The following CCDC150 variants were observed in gnomAD, a reference collection of about 807,000 sequenced individuals.
The protein encoded by CCDC150 is coiled-coil domain containing 150.
In CCDC150, 151 loss-of-function variants were observed where a neutral mutation model predicts 156.5. The observed-to-expected ratio is 0.97, with a 90% confidence interval of 0.85 to 1.10. The LOEUF (loss-of-function observed/expected upper bound fraction) is 1.10, where lower values mean the gene tolerates loss of function less well. CCDC150 is among the 50% of genes least tolerant of loss of function. CCDC150 has a pLI of 0.00. For synonymous variants in CCDC150, 452 were observed against 429.4 expected, an observed-to-expected ratio of 1.05 and a Z score of -0.65; for missense variants, 1,312 against 1,268.1, an observed-to-expected ratio of 1.03 and a Z score of -0.53.
chr2:196,647,726 G>A (rs1015927330), intron 2 of CCDC150, among the ~76,000 whole-genome samples: 7 of 151,982 alleles, frequency 4.6e-5, no homozygotes, highest in Non-Finnish European at 8.8e-5. Context: ...TAACATATCC[G>A]TCACCTCACA....
At chr2:196,658,506 A>T (rs1693360358) in intron 4 of CCDC150, among the ~76,000 whole-genome samples, 1 of 151,932 alleles carries the variant, frequency 6.6e-6, no homozygotes, top group African/African-American at 2.4e-5. Flanking sequence ...TACCAGATTG[A>T]CCTCTAATTA....
chr2:196,720,391 A>C (rs949531268), intron 19 of CCDC150, among the ~76,000 whole-genome samples, 184 bp from the exon 20 acceptor site: 2 of 152,212 alleles, frequency 1.3e-5, no homozygotes, highest in Non-Finnish European at 2.9e-5. Flanking sequence ...GTAGATGCAA[A>C]AATCTCAACA....
At chr2:196,642,068 A>G (rs4850401) in intron 1 of CCDC150, among the ~76,000 whole-genome samples, 140,184 of 152,312 alleles carry the variant, frequency 0.92, 64,610 homozygotes, top group East Asian at 0.98. Context: ...GTTTGATAAT[A>G]ATATATGCAT....
intron 7 of CCDC150, chr2:196,667,093 G>A (rs1693894703): frequency 2.0e-6 from 1 of 494,340 alleles, no homozygotes; most frequent in South Asian, 2.7e-5. Context: ...GCTTGTTTGT[G>A]GACCTGGGAA....
intron 13 of CCDC150, among the ~76,000 whole-genome samples, chr2:196,691,130 A>G (rs1046305356): frequency 2.0e-5 from 3 of 152,180 alleles, no homozygotes; most frequent in Admixed American, 1.3e-4. Context: ...GGATTTTTGC[A>G]TCAATGTTCA....
intron 13 of CCDC150, among the ~76,000 whole-genome samples, chr2:196,691,767 C>T (rs1237199243): frequency 6.6e-6 from 1 of 152,096 alleles, no homozygotes; most frequent in Non-Finnish European, 1.5e-5. Flanking sequence ...ATGGTGAAAC[C>T]TCGTCTCTAC....
intron 15 of CCDC150, among the ~76,000 whole-genome samples, chr2:196,702,176 G>A (rs1409341596): frequency 1.3e-5 from 2 of 152,168 alleles, no homozygotes; most frequent in African/African-American, 4.8e-5. Context: ...TTGAGTCCAG[G>A]AGTTGGAGGC....
chr2:196,708,664 T>G (rs191862870), intron 15 of CCDC150, among the ~76,000 whole-genome samples: 19 of 152,352 alleles, frequency 1.2e-4, no homozygotes, highest in African/African-American at 4.3e-4. Flanking sequence ...CTTTCCATGT[T>G]TAGTGCTTCC....
intron 19 of CCDC150, chr2:196,720,285 C>A (rs961696331): frequency 5.6e-6 from 2 of 355,414 alleles, no homozygotes; most frequent in African/African-American, 4.2e-5. Flanking sequence ...ATCTTTTTTA[C>A]ATAGTATGAA....
At chr2:196,643,452 G>T (rs1030897476) in intron 1 of CCDC150, among the ~76,000 whole-genome samples, 1 of 152,150 alleles carries the variant, frequency 6.6e-6, no homozygotes, top group Non-Finnish European at 1.5e-5. Flanking sequence ...TAAATGATTT[G>T]CTGTTTTGTT....
chr2:196,697,239 T>C (rs1421710645), intron 14 of CCDC150, among the ~76,000 whole-genome samples: 3 of 152,246 alleles, frequency 2.0e-5, no homozygotes, highest in Non-Finnish European at 4.4e-5. Flanking sequence ...AGGATTAATA[T>C]CATATTGCAA....
chr2:196,724,434 AGAT>A (rs752763500), intron 21 of CCDC150, among the ~76,000 whole-genome samples: 7 of 152,208 alleles, frequency 4.6e-5, no homozygotes, highest in Admixed American at 2.0e-4. Context: ...TTTTAGAGCT[AGAT>A]GATGATGATG....
chr2:196,645,527 G>A (rs1411663675), intron 1 of CCDC150, among the ~76,000 whole-genome samples: 1 of 152,254 alleles, frequency 6.6e-6, no homozygotes, highest in African/African-American at 2.4e-5. Context: ...AGAGAACGGA[G>A]TTGCAGGACA....
chr2:196,657,396 T>G, intron 4 of CCDC150: 121 of 350,742 alleles, frequency 3.4e-4, no homozygotes, highest in East Asian at 7.0e-4. Flanking sequence ...AGGTATGAGA[T>G]AGAGCCTGTG....
chr2:196,708,014 T>G (rs371469126), intron 15 of CCDC150, among the ~76,000 whole-genome samples: 23 of 152,188 alleles, frequency 1.5e-4, no homozygotes, highest in East Asian at 5.8e-4. Flanking sequence ...TGTAGATGTC[T>G]ATTAGGTCTG....
At chr2:196,706,963 T>G (rs1260894853) in intron 15 of CCDC150, among the ~76,000 whole-genome samples, 1 of 152,256 alleles carries the variant, frequency 6.6e-6, no homozygotes, top group Non-Finnish European at 1.5e-5. Flanking sequence ...GATATTGGTC[T>G]AAAATTCTCT....
At chr2:196,709,090 A>C (rs1696893110) in intron 15 of CCDC150, among the ~76,000 whole-genome samples, 1 of 152,146 alleles carries the variant, frequency 6.6e-6, no homozygotes, top group Non-Finnish European at 1.5e-5. Flanking sequence ...TAATATCCTG[A>C]AGAGTGTTTT....
At chr2:196,726,225 G>A in intron 22 of CCDC150, 126 bp downstream of exon 22, 1 of 1,064,204 alleles carries the variant, frequency 9.4e-7, no homozygotes, top group Non-Finnish European at 1.3e-6. Context: ...CAGGCCAGAT[G>A]TAATTAAGAC....
rs114703736 is a variant in CCDC150, at chr2:196,653,315, C to A, written c.177-3318C>A. Among the ~76,000 whole-genome samples the A allele has an allele frequency of 5.6e-3, 854 of 152,320 alleles. 2 individuals are homozygous for A. The highest frequency in any genetic ancestry group is 0.01 in the Non-Finnish European group (684 of 68,022). On this transcript the variant is annotated intron_variant, in intron 2 of 27. Coordinates refer to ENST00000389175, the MANE Select transcript of CCDC150 (RefSeq NM_001080539.2). ...TATACGTTTCAACCTTAAGTCATTT[C>A]TTTGCTCCTATATCTTATTGTAGAC...
Sources: gnomAD v4.1 joint callset for allele counts (sites outside exome capture counted in the v4.1 genomes callset) on GRCh38, gnomAD v4.1.1 for gene constraint, MANE v1.5 for transcripts, NCBI Gene and HGNC (gene_info 2026-07-23, HGNC 2026-07-21) for gene names.